The following PDE10A variants were observed in gnomAD, a reference collection of about 807,000 sequenced individuals.
PDE10A encodes phosphodiesterase 10A.
PDE10A carries 39 observed loss-of-function variants against 97.7 expected under a neutral mutation model. The observed-to-expected ratio is 0.40, with a 90% CI of 0.31 to 0.52. The LOEUF is 0.52. Among genes scored for constraint, PDE10A ranks in the 20% least tolerant of loss-of-function variants. PDE10A has a pLI of 0.56. For synonymous variants in PDE10A, 371 were observed against 376.8 expected (o/e 0.98, Z 0.18); for missense variants, 731 against 1,047.8 (o/e 0.70, Z 4.17).
chr6:165,543,344 A>G (rs905863337), intron 2 of PDE10A, 96 bp downstream of exon 2: 21 of 943,042 alleles, frequency 2.2e-5, no homozygotes, highest in Non-Finnish European at 3.0e-5. Context: ...ATATTTGTCT[A>G]CTTTATATTT....
intron 1 of PDE10A, among the ~76,000 whole-genome samples, chr6:165,925,342 A>G (rs1782901587): frequency 6.6e-6 from 1 of 152,242 alleles, no homozygotes; most frequent in South Asian, 2.1e-4. Flanking sequence ...TTTCTTACGA[A>G]GCAAACCATG....
At chr6:165,718,511 G>C (rs1462594833) in intron 1 of PDE10A, among the ~76,000 whole-genome samples, 1 of 152,166 alleles carries the variant, frequency 6.6e-6, no homozygotes, top group East Asian at 1.9e-4. Context: ...CAAGGGTCTA[G>C]ATAGAACAGG....
At chr6:165,676,850 G>A (rs1790812256) in intron 1 of PDE10A, among the ~76,000 whole-genome samples, 2 of 152,188 alleles carry the variant, frequency 1.3e-5, no homozygotes, top group Admixed American at 6.5e-5. Context: ...TGTCGGCATG[G>A]ACTTGCAACT....
intron 1 of PDE10A, among the ~76,000 whole-genome samples, chr6:165,610,656 A>T (rs1787451039): frequency 1.3e-5 from 2 of 152,290 alleles, no homozygotes; most frequent in Admixed American, 1.3e-4. Flanking sequence ...ACTTTTTAAC[A>T]CAATGCCCAG....
In PDE10A at chr6:165,330,664, TAATA is replaced by T. The variant is rs1781290634; in HGVS notation, c.*2357_*2360del. 1 of 152,182 alleles carries T rather than the reference TAATA, an allele frequency of 6.6e-6. No homozygotes were observed. The highest frequency in any genetic ancestry group is 1.5e-5 in the Non-Finnish European group (1 of 68,004). The allele number at this position is 152,182 out of a possible 1,614,324, so 9.4% of individuals were successfully genotyped here. A position where few individuals can be genotyped will look rare whatever the true frequency, so the allele number is the denominator to read the frequency against. On this transcript the variant is annotated 3_prime_UTR_variant, in exon 22 of 22. Coordinates refer to ENST00000539869, the MANE Select transcript of PDE10A (RefSeq NM_001385079.1). ...AGAGATTACATAATACACTTGACTA[TAATA>T]AATTAAGAGAATTTTCTGTAATAAC... is the stretch of plus-strand genomic sequence containing the variant.
chr6:165,669,879 A>G (rs781301571), intron 1 of PDE10A, among the ~76,000 whole-genome samples: 1 of 152,260 alleles, frequency 6.6e-6, no homozygotes, highest in Non-Finnish European at 1.5e-5. Flanking sequence ...CTAATGTAAC[A>G]AGGCAAAATT....
intron 1 of PDE10A, among the ~76,000 whole-genome samples, chr6:165,629,597 C>T (rs933852767): frequency 2.7e-5 from 4 of 149,776 alleles, no homozygotes; most frequent in East Asian, 2.0e-4. Flanking sequence ...GCGATGGTGC[C>T]GTCTCGGCTC....
intron 1 of PDE10A, chr6:165,986,513 G>GTCTCTCTCTCTCTCTCTCTC (rs55892857): frequency 1.6e-4 from 24 of 146,154 alleles, no homozygotes; most frequent in African/African-American, 5.6e-4. Flanking sequence ...CTCTCTCTCT[G>GTCTCTCTCTCTCTCTCTCTC]TCTCTCTCTC....
chr6:165,813,113 G>A (rs1779323024), intron 1 of PDE10A, among the ~76,000 whole-genome samples: 1 of 152,188 alleles, frequency 6.6e-6, no homozygotes, highest in African/African-American at 2.4e-5. Flanking sequence ...CTATTCTCAT[G>A]TCTGAAGGGA....
chr6:165,799,185 G>A (rs986707131), intron 1 of PDE10A, among the ~76,000 whole-genome samples: 2 of 152,184 alleles, frequency 1.3e-5, no homozygotes, highest in African/African-American at 4.8e-5. Context: ...GCCCACCCCT[G>A]ATGTGGAGCT....
chr6:165,518,643 C>T (rs59909366), intron 2 of PDE10A, among the ~76,000 whole-genome samples: 3,935 of 152,222 alleles, frequency 0.026, 166 homozygotes, highest in African/African-American at 0.09. Flanking sequence ...AAAGCACTTC[C>T]TTTAAGTGAA....
At chr6:165,681,785 C>T (rs937797535) in intron 1 of PDE10A, among the ~76,000 whole-genome samples, 1 of 152,202 alleles carries the variant, frequency 6.6e-6, no homozygotes, top group East Asian at 1.9e-4. Context: ...GTTGGTTTTA[C>T]AAACTGCTCC....
chr6:165,556,150 T>G (rs896144101), intron 1 of PDE10A, among the ~76,000 whole-genome samples: 3 of 152,122 alleles, frequency 2.0e-5, no homozygotes, highest in African/African-American at 7.2e-5. Context: ...GTACTTAAGT[T>G]TTTAGGGAGG....
chr6:165,565,995 G>A lies in PDE10A; in HGVS notation c.866-22427C>T, dbSNP rs560428231. Among the ~76,000 whole-genome samples the A allele has an allele frequency of 6.6e-5, 10 of 152,178 alleles. No individual in the cohort carries two copies. The South Asian group carries it at 2.1e-3, about 32-fold the overall frequency. On this transcript the variant is annotated intron_variant, in intron 1 of 21. Coordinates refer to ENST00000539869, the MANE Select transcript of PDE10A (RefSeq NM_001385079.1). ...ATAAAACCCCTAGAAAATAACATAG[G>A]AGAAAATATAGATGAACCTGGGCAT...
intron 1 of PDE10A, among the ~76,000 whole-genome samples, chr6:165,582,790 C>A (rs1231923282): frequency 6.6e-6 from 1 of 151,976 alleles, no homozygotes; most frequent in South Asian, 2.1e-4. Context: ...AAGTTCTTTA[C>A]TTAGTTGTCC....
At chr6:165,350,219 G>A (rs1478510661) in intron 18 of PDE10A, among the ~76,000 whole-genome samples, 3 of 152,200 alleles carry the variant, frequency 2.0e-5, no homozygotes, top group Admixed American at 6.5e-5. Context: ...AGAGCCACAG[G>A]GGCAGAGCTT....
intron 1 of PDE10A, among the ~76,000 whole-genome samples, chr6:165,654,707 GC>G (rs2128427211): frequency 6.6e-6 from 1 of 152,210 alleles, no homozygotes; most frequent in South Asian, 2.1e-4. Flanking sequence ...GATTCAAAAG[GC>G]CCCGTCTGCC....
chr6:165,626,800 G>A (rs1481811274), intron 1 of PDE10A, among the ~76,000 whole-genome samples: 1 of 152,142 alleles, frequency 6.6e-6, no homozygotes, highest in Admixed American at 6.5e-5. Context: ...GGGTGGACAG[G>A]GACAGTTAAC....
chr6:165,733,590 T>C (rs750231410), intron 1 of PDE10A, among the ~76,000 whole-genome samples: 2 of 152,206 alleles, frequency 1.3e-5, no homozygotes, highest in Non-Finnish European at 1.5e-5. Flanking sequence ...CACGTTATTA[T>C]TCTCATAAAG....
Sources: allele counts gnomAD v4.1 joint callset (sites outside exome capture counted in the v4.1 genomes callset), GRCh38; gene constraint gnomAD v4.1.1; transcripts MANE v1.5; gene names NCBI Gene and HGNC (gene_info 2026-07-23, HGNC 2026-07-21).